PRELID2: variants seen among roughly 807,000 people sequenced by gnomAD.
PRELID2 encodes the protein PRELI domain containing 2, also known as PRELI domain-containing protein 2.
Under a neutral mutation model 28.4 loss-of-function variants are expected in PRELID2, and 25 were observed. The observed-to-expected ratio is 0.88, with a 90% CI of 0.64 to 1.23. The LOEUF is 1.23. PRELID2 is among the 50% of genes most tolerant of loss of function. The pLI, the probability that PRELID2 is intolerant of heterozygous loss-of-function variation, is 0.00. For missense variants in PRELID2, 201 were observed against 214.4 expected (o/e 0.94, Z 0.39); for synonymous variants, 76 against 71.6 (o/e 1.06, Z -0.31).
At chr5:145,664,278 A>G (rs1293628729) in intron 1 of PRELID2, among the ~76,000 whole-genome samples, 2 of 152,076 alleles carry the variant, frequency 1.3e-5, no homozygotes, top group Non-Finnish European at 2.9e-5. Context: ...TCTGCTTTAG[A>G]TCTACTTTTA....
In PRELID2 at chr5:145,804,760, T is replaced by C. The variant is rs111359354; in HGVS notation, c.369-8213A>G. On this transcript the variant is annotated intron_variant, in intron 4 of 6. Coordinates refer to ENST00000683046, the MANE Select transcript of PRELID2 (RefSeq NM_205846.3). ...AACACAGTTAACCTCAGATCCCATG[T>C]CCCTTCCCACAACCCTATTACCTAG... Among the ~76,000 whole-genome samples the C allele has an allele frequency of 5.8e-3, 885 of 152,246 alleles. 10 individuals carry two copies. Among genetic ancestry groups the C allele is most frequent in the African/African-American group, 0.021 (852 of 41,552 alleles).
intron 1 of PRELID2, among the ~76,000 whole-genome samples, chr5:145,655,057 G>C: frequency 6.6e-6 from 1 of 151,724 alleles, no homozygotes; most frequent in Non-Finnish European, 1.5e-5. Flanking sequence ...AAAGTCTCAG[G>C]ATACAAAATC....
intron 1 of PRELID2, among the ~76,000 whole-genome samples, chr5:145,824,411 C>T (rs2149876625): frequency 7.6e-6 from 1 of 132,114 alleles, no homozygotes; most frequent in Non-Finnish European, 1.7e-5. Context: ...CTGTGGGTCT[C>T]CACCCACAGC....
At chr5:145,687,907 C>T (rs1581058777) in intron 1 of PRELID2, among the ~76,000 whole-genome samples, 1 of 152,224 alleles carries the variant, frequency 6.6e-6, no homozygotes, top group Non-Finnish European at 1.5e-5. Flanking sequence ...AGGTTTCTAT[C>T]TCCCAGTGAA....
chr5:145,766,332 A>G (rs753518632), intron 5 of PRELID2, among the ~76,000 whole-genome samples: 3 of 152,174 alleles, frequency 2.0e-5, no homozygotes, highest in Non-Finnish European at 2.9e-5. Flanking sequence ...CCAGAGCTCT[A>G]TGCCCTTAAG....
At chr5:145,326,236 G>GA in the PRELID2 span, among the ~76,000 whole-genome samples, 1 of 152,018 alleles carries the variant, frequency 6.6e-6, no homozygotes, top group African/African-American at 2.4e-5. Flanking sequence ...CAACTCCTGA[G>GA]CTCAAGTGAT....
chr5:145,783,587 C>T (rs190106350), intron 5 of PRELID2, among the ~76,000 whole-genome samples: 1 of 152,158 alleles, frequency 6.6e-6, no homozygotes, highest in African/African-American at 2.4e-5. Flanking sequence ...TCTATCTGAG[C>T]ACTCAAGGGT....
chr5:145,589,496 C>A (rs1753198672), intron 1 of PRELID2, among the ~76,000 whole-genome samples: 1 of 152,044 alleles, frequency 6.6e-6, no homozygotes. Context: ...TCATAACAGG[C>A]ATAAGTCACA....
the PRELID2 span, among the ~76,000 whole-genome samples, chr5:145,352,459 A>G: frequency 1.3e-5 from 2 of 152,126 alleles, no homozygotes; most frequent in Non-Finnish European, 2.9e-5. Context: ...GGGACACAGG[A>G]CACCATGTCC....
At chr5:145,419,850 T>G in the PRELID2 span, among the ~76,000 whole-genome samples, 15 of 152,012 alleles carry the variant, frequency 9.9e-5, no homozygotes, top group African/African-American at 3.6e-4. Context: ...CTTCTAGGGT[T>G]TTTATGGTTT....
the PRELID2 span, among the ~76,000 whole-genome samples, chr5:145,232,983 ACG>A: frequency 7.3e-5 from 11 of 149,958 alleles, no homozygotes; most frequent in African/African-American, 1.0e-4. Flanking sequence ...ATATATATAT[ACG>A]TGTGTGTGTG....
chr5:145,380,160 G>C, the PRELID2 span, among the ~76,000 whole-genome samples: 1 of 152,180 alleles, frequency 6.6e-6, no homozygotes, highest in Non-Finnish European at 1.5e-5. Flanking sequence ...TGGTGGTTGA[G>C]GGGTCTCCTC....
At chr5:145,490,248 T>G (rs979624704) in intron 1 of PRELID2, among the ~76,000 whole-genome samples, 1 of 152,220 alleles carries the variant, frequency 6.6e-6, no homozygotes, top group African/African-American at 2.4e-5. Flanking sequence ...TTTCCTTTTT[T>G]GTACTCTTGC....
chr5:145,353,163 A>C, the PRELID2 span, among the ~76,000 whole-genome samples: 5 of 152,194 alleles, frequency 3.3e-5, no homozygotes, highest in Non-Finnish European at 5.9e-5. Context: ...TGCTGCTATA[A>C]AGAAATACCT....
At chr5:145,441,883 G>A in the PRELID2 span, among the ~76,000 whole-genome samples, 2 of 152,222 alleles carry the variant, frequency 1.3e-5, no homozygotes, top group African/African-American at 4.8e-5. Flanking sequence ...AAAGAAGTCT[G>A]CATGGTTGGT....
chr5:145,531,779 T>A (rs1212248979), intron 1 of PRELID2, among the ~76,000 whole-genome samples: 2 of 152,166 alleles, frequency 1.3e-5, no homozygotes, highest in African/African-American at 2.4e-5. Context: ...TAAGTGTAAA[T>A]ACCTGCCCCA....
chr5:145,710,429 G>A (rs1283591823), intron 1 of PRELID2, among the ~76,000 whole-genome samples: 1 of 152,102 alleles, frequency 6.6e-6, no homozygotes, highest in Admixed American at 6.6e-5. Flanking sequence ...TTTCAAAAAG[G>A]TAGGAAATAG....
At chr5:145,671,062 T>C (rs940628254) in intron 1 of PRELID2, among the ~76,000 whole-genome samples, 1 of 152,194 alleles carries the variant, frequency 6.6e-6, no homozygotes, top group Non-Finnish European at 1.5e-5. Flanking sequence ...AGCTAATGTA[T>C]GCAAACATTT....
intron 1 of PRELID2, among the ~76,000 whole-genome samples, chr5:145,629,799 C>T (rs1052252677): frequency 1.3e-5 from 2 of 152,086 alleles, no homozygotes; most frequent in African/African-American, 4.8e-5. Context: ...TTTTAAAATG[C>T]CTCCTTCGTA....
Sources: allele counts gnomAD v4.1 joint callset (sites outside exome capture counted in the v4.1 genomes callset), GRCh38; gene constraint gnomAD v4.1.1; transcripts MANE v1.5; gene names NCBI Gene and HGNC (gene_info 2026-07-23, HGNC 2026-07-21).